PID1: variants seen among roughly 807,000 people sequenced by gnomAD.
The protein encoded by PID1 is phosphotyrosine interaction domain containing 1, also known as PTB-containing, cubilin and LRP1-interacting protein.
PID1 carries 10 observed loss-of-function variants against 19.1 expected under a neutral mutation model. The ratio of observed to expected loss-of-function variants is 0.52; its 90% confidence interval spans 0.32 to 0.89. PID1 has a LOEUF of 0.89. PID1 is among the 40% of genes least tolerant of loss of function. The probability of loss-of-function intolerance (pLI) is 0.03; values close to 1 mark genes in which losing one functional copy is unlikely to be tolerated. For missense variants in PID1, 248 were observed against 285.3 expected, an observed-to-expected ratio of 0.87 and a Z score of 0.94; for synonymous variants, 130 against 116.0, an observed-to-expected ratio of 1.12 and a Z score of -0.78.
chr2:229,032,137 T>G (rs942305123), intron 2 of PID1, among the ~76,000 whole-genome samples: 2 of 152,166 alleles, frequency 1.3e-5, no homozygotes, highest in African/African-American at 4.8e-5. Flanking sequence ...TTCCCCCATC[T>G]CAATAAACAG....
Position 229,051,503 on chromosome 2 carries a change from A to C in PID1, c.178-25395T>G, listed in dbSNP as rs150269353. 9.1e-3 allele frequency among the ~76,000 whole-genome samples: 1,386 copies of C among 152,018 alleles called. 9 individuals are homozygous for C. The highest frequency in any genetic ancestry group is 0.028 in the South Asian group (137 of 4,810). On this transcript the variant is annotated intron_variant, in intron 2 of 2. Coordinates refer to ENST00000392055, the MANE Select transcript of PID1 (RefSeq NM_001100818.2). ...CAGGCATGTGCCACCACCCCTGGCT[A>C]ATTTTTGTATTTTTAGTAGAGACAG...
chr2:229,195,027 T>C (rs1374519150), intron 1 of PID1, among the ~76,000 whole-genome samples: 1 of 151,922 alleles, frequency 6.6e-6, no homozygotes, highest in African/African-American at 2.4e-5. Context: ...TGACAGTCAG[T>C]GAATGTTTTA....
At chr2:229,268,799 A>G (rs562588680) in intron 1 of PID1, among the ~76,000 whole-genome samples, 1 of 152,132 alleles carries the variant, frequency 6.6e-6, no homozygotes, top group Non-Finnish European at 1.5e-5. Flanking sequence ...TCGGACAGGC[A>G]TGTTTCTATA....
chr2:229,118,486 C>T (rs906392749), intron 2 of PID1, among the ~76,000 whole-genome samples: 3 of 152,162 alleles, frequency 2.0e-5, no homozygotes, highest in East Asian at 1.9e-4. Context: ...TGAGACTACA[C>T]GTGAGTCATT....
intron 1 of PID1, among the ~76,000 whole-genome samples, chr2:229,188,658 G>A (rs900535305): frequency 1.3e-5 from 2 of 151,050 alleles, no homozygotes; most frequent in Admixed American, 1.3e-4. Flanking sequence ...AGAATCACTT[G>A]AACCCAGGAG....
At chr2:229,049,823 A>C (rs7593256) in intron 2 of PID1, among the ~76,000 whole-genome samples, 79,462 of 151,960 alleles carry the variant, frequency 0.52, 21,553 homozygotes, top group East Asian at 0.67. Context: ...TCTGGAAAAA[A>C]TGTGCTGCAT....
intron 1 of PID1, among the ~76,000 whole-genome samples, chr2:229,188,182 A>T (rs892830263): frequency 6.6e-6 from 1 of 151,964 alleles, no homozygotes; most frequent in Non-Finnish European, 1.5e-5. Flanking sequence ...AGGGGCATTA[A>T]AAGAGTTGAC....
chr2:229,067,996 T>A (rs986631807), intron 2 of PID1, among the ~76,000 whole-genome samples: 3 of 152,190 alleles, frequency 2.0e-5, no homozygotes, highest in African/African-American at 7.2e-5. Context: ...TCTGTACTCA[T>A]GTAACTTCCA....
intron 1 of PID1, among the ~76,000 whole-genome samples, chr2:229,200,270 C>T (rs1691470369): frequency 1.3e-5 from 2 of 152,024 alleles, no homozygotes; most frequent in South Asian, 4.1e-4. Flanking sequence ...GTAGGCACAT[C>T]GCTTTGCCTC....
intron 2 of PID1, among the ~76,000 whole-genome samples, chr2:229,090,073 G>A (rs540132335): frequency 6.6e-6 from 1 of 152,176 alleles, no homozygotes; most frequent in East Asian, 1.9e-4. Context: ...TGTAATTACC[G>A]TGCAAAGCTC....
At chr2:229,107,206 C>T (rs1695195187) in intron 2 of PID1, among the ~76,000 whole-genome samples, 1 of 152,168 alleles carries the variant, frequency 6.6e-6, no homozygotes. Context: ...ACCCTGCTGT[C>T]ACCTTGATTT....
At chr2:229,081,140 A>C (rs907160200) in intron 2 of PID1, among the ~76,000 whole-genome samples, 1 of 152,192 alleles carries the variant, frequency 6.6e-6, no homozygotes, top group Admixed American at 6.5e-5. Context: ...CTCCTGAATA[A>C]ATATCATTTT....
chr2:229,267,887 C>A (rs936073581), intron 1 of PID1, among the ~76,000 whole-genome samples: 2 of 151,884 alleles, frequency 1.3e-5, no homozygotes, highest in Non-Finnish European at 2.9e-5. Context: ...TGTTTCAAAT[C>A]TGCTTCTTTA....
chr2:229,154,251 A>T (rs1559259903), intron 2 of PID1, among the ~76,000 whole-genome samples: 1 of 151,880 alleles, frequency 6.6e-6, no homozygotes, highest in Non-Finnish European at 1.5e-5. Context: ...CCATGACCAC[A>T]AGACTCTTTT....
At chr2:229,204,330 T>C (rs946121099) in intron 1 of PID1, among the ~76,000 whole-genome samples, 10 of 152,088 alleles carry the variant, frequency 6.6e-5, no homozygotes, top group African/African-American at 2.4e-4. Context: ...ATACAAAAAA[T>C]GATGATGATA....
intron 2 of PID1, among the ~76,000 whole-genome samples, chr2:229,055,658 T>A (rs1253038223): frequency 1.3e-5 from 2 of 152,228 alleles, no homozygotes; most frequent in Non-Finnish European, 2.9e-5. Context: ...AAATACAGCA[T>A]GTGTTAAATT....
At chr2:229,240,177 C>T (rs1285578262) in intron 1 of PID1, among the ~76,000 whole-genome samples, 1 of 152,128 alleles carries the variant, frequency 6.6e-6, no homozygotes, top group Non-Finnish European at 1.5e-5. Context: ...AAAATCACTT[C>T]ATCCTGGCAA....
chr2:229,178,615 TA>T lies in PID1; in HGVS notation c.31-22652del, dbSNP rs534660595. ...GGTCATTTTCTATAATAAGCCACAATAAAAAAAAAGTCCATTTCTTCTGAAT... is the reference window on the plus strand; with the variant it reads ...GGTCATTTTCTATAATAAGCCACAATAAAAAAAAGTCCATTTCTTCTGAAT... On this transcript the variant is annotated intron_variant, in intron 1 of 2. Transcript: ENST00000392055. Among the ~76,000 whole-genome samples the T allele has an allele frequency of 2.4e-3, 362 of 150,966 alleles. 3 individuals are homozygous for T. Among genetic ancestry groups the T allele is most frequent in the African/African-American group, 8.2e-3 (340 of 41,262 alleles).
At chr2:229,239,499 A>G (rs749081254) in intron 1 of PID1, among the ~76,000 whole-genome samples, 24 of 152,242 alleles carry the variant, frequency 1.6e-4, no homozygotes, top group Non-Finnish European at 2.8e-4. Flanking sequence ...GAGAGCCTCA[A>G]TGTTGGCTAT....
Sources: allele counts gnomAD v4.1 joint callset (sites outside exome capture counted in the v4.1 genomes callset), GRCh38; gene constraint gnomAD v4.1.1; transcripts MANE v1.5; gene names NCBI Gene and HGNC (gene_info 2026-07-23, HGNC 2026-07-21).